KCNB2: variants seen among roughly 807,000 people sequenced by gnomAD.
The protein encoded by KCNB2 is delayed rectifier potassium channel protein.
A neutral mutation model predicts 61.5 loss-of-function variants in KCNB2; 15 were observed. That is an observed-to-expected ratio of 0.24 (90% CI 0.16 to 0.38). KCNB2 has a LOEUF of 0.38. KCNB2 is among the 10% of genes least tolerant of loss of function. The probability of loss-of-function intolerance (pLI) is 1.00; values close to 1 mark genes in which losing one functional copy is unlikely to be tolerated. For synonymous variants in KCNB2, 457 were observed against 446.0 expected, an observed-to-expected ratio of 1.02 and a Z score of -0.31; for missense variants, 828 against 1,125.2, an observed-to-expected ratio of 0.74 and a Z score of 3.78.
At chr8:72,867,940 GAGGATTCAC>G (rs978146235) in intron 2 of KCNB2, among the ~76,000 whole-genome samples, 14 of 152,022 alleles carry the variant, frequency 9.2e-5, no homozygotes, top group African/African-American at 3.4e-4. Context: ...AGGATGACAT[GAGGATTCAC>G]AGGAAAAATT....
intron 2 of KCNB2, among the ~76,000 whole-genome samples, chr8:72,806,600 G>T (rs1281193509): frequency 6.6e-6 from 1 of 151,552 alleles, no homozygotes; most frequent in Non-Finnish European, 1.5e-5. Context: ...GGGCGACAGA[G>T]TGAGAATCAG....
At chr8:72,739,548 G>C (rs920777981) in intron 2 of KCNB2, among the ~76,000 whole-genome samples, 1 of 152,040 alleles carries the variant, frequency 6.6e-6, no homozygotes, top group African/African-American at 2.4e-5. Flanking sequence ...AAGCAAAAGC[G>C]AGTGGAAGTG....
chr8:72,927,235 A>G (rs777802445), intron 2 of KCNB2, among the ~76,000 whole-genome samples: 14 of 148,910 alleles, frequency 9.4e-5, no homozygotes, highest in Non-Finnish European at 1.9e-4. Flanking sequence ...CTATCATCCA[A>G]CTCTCCAGAA....
chr8:72,610,408 A>G (rs1805519362), intron 2 of KCNB2, among the ~76,000 whole-genome samples: 1 of 152,172 alleles, frequency 6.6e-6, no homozygotes, highest in Admixed American at 6.5e-5. Context: ...GATTTTCCTC[A>G]TATTTTTTCT....
Position 72,725,510 on chromosome 8 carries a change from CATATATATAT to C in KCNB2, c.579+157218_579+157227del, listed in dbSNP as rs774224955. Among the ~76,000 whole-genome samples the C allele has an allele frequency of 1.7e-3, 99 of 58,886 alleles. 1 individual carries two copies. The highest frequency in any genetic ancestry group is 5.6e-3 in the African/African-American group (90 of 15,990). The allele number at this position is 58,886 out of a possible 152,430, so 38.6% of individuals were successfully genotyped here. On this transcript the variant is annotated intron_variant, in intron 2 of 2. Coordinates refer to ENST00000523207, the MANE Select transcript of KCNB2 (RefSeq NM_004770.3). ...ATATTTGGCTTGCTTTCTTTGTCTTCATATATATATATATATATATATATATATATGTGTG... is the reference window on the plus strand; with the variant it reads ...ATATTTGGCTTGCTTTCTTTGTCTTCATATATATATATATATATATGTGTG...
chr8:72,630,575 C>T (rs1024312005), intron 2 of KCNB2, among the ~76,000 whole-genome samples: 27 of 152,108 alleles, frequency 1.8e-4, no homozygotes, highest in Non-Finnish European at 1.9e-4. Flanking sequence ...GCAAGAAGTC[C>T]TAGATCAAGG....
At chr8:72,805,019 A>C (rs1359097136) in intron 2 of KCNB2, among the ~76,000 whole-genome samples, 1 of 152,168 alleles carries the variant, frequency 6.6e-6, no homozygotes, top group Non-Finnish European at 1.5e-5. Context: ...TCCGCTGGGC[A>C]CTGGGGTCAG....
At position 72,662,264 on chromosome 8, in the gene KCNB2, G is replaced by T. The variant is rs532261547; in HGVS notation, c.579+93951G>T. 3.9e-4 allele frequency among the ~76,000 whole-genome samples: 59 copies of T among 152,094 alleles called. 1 individual carries two copies. Among genetic ancestry groups the T allele is most frequent in the Non-Finnish European group, 5.9e-4 (40 of 68,032 alleles). ...CATGACCACCTGTAGCTTCTCCATG[G>T]CCCTGACCCTGCTTTTCAGGAACTC... is the stretch of plus-strand genomic sequence containing the variant. On this transcript the variant is annotated intron_variant, in intron 2 of 2. Transcript: ENST00000523207.
intron 2 of KCNB2, among the ~76,000 whole-genome samples, chr8:72,858,991 T>C (rs1307411608): frequency 6.6e-6 from 1 of 152,212 alleles, no homozygotes; most frequent in Non-Finnish European, 1.5e-5. Context: ...ATCACAAATA[T>C]AGGATTACAC....
At chr8:72,582,784 T>A (rs1240484059) in intron 2 of KCNB2, among the ~76,000 whole-genome samples, 1 of 152,058 alleles carries the variant, frequency 6.6e-6, no homozygotes. Flanking sequence ...AACTAATTTT[T>A]AAAAAATTAT....
At chr8:72,642,500 A>C (rs1208580374) in intron 2 of KCNB2, among the ~76,000 whole-genome samples, 1 of 152,060 alleles carries the variant, frequency 6.6e-6, no homozygotes, top group Non-Finnish European at 1.5e-5. Context: ...CACAGCTTAC[A>C]GTCTAGGAAA....
chr8:72,714,639 C>G (rs1437373803), intron 2 of KCNB2, among the ~76,000 whole-genome samples: 3 of 152,220 alleles, frequency 2.0e-5, no homozygotes, highest in African/African-American at 7.2e-5. Context: ...CAGGCCTGCC[C>G]TACGAGAGCT....
intron 2 of KCNB2, among the ~76,000 whole-genome samples, chr8:72,586,846 A>C (rs1807008084): frequency 6.6e-6 from 1 of 152,238 alleles, no homozygotes; most frequent in East Asian, 1.9e-4. Flanking sequence ...AGCTGCCTCC[A>C]GTCCTAGGAC....
At chr8:72,813,524 GAAGA>G (rs1156502831) in intron 2 of KCNB2, among the ~76,000 whole-genome samples, 2 of 152,050 alleles carry the variant, frequency 1.3e-5, no homozygotes, top group African/African-American at 4.8e-5. Context: ...TCTAAAAGGG[GAAGA>G]AAGGGCCGTC....
intron 2 of KCNB2, among the ~76,000 whole-genome samples, chr8:72,922,436 T>C (rs750495636): frequency 1.3e-5 from 2 of 152,226 alleles, no homozygotes; most frequent in Non-Finnish European, 2.9e-5. Flanking sequence ...TTAGACTGTG[T>C]AATTTATAAA....
At chr8:72,935,446 G>C (rs1806879992) in intron 2 of KCNB2, among the ~76,000 whole-genome samples, 1 of 152,182 alleles carries the variant, frequency 6.6e-6, no homozygotes, top group Non-Finnish European at 1.5e-5. Flanking sequence ...CTTAGAAGAA[G>C]CATTGTTGTA....
intron 2 of KCNB2, among the ~76,000 whole-genome samples, chr8:72,621,928 A>C (rs896118242): frequency 2.0e-5 from 3 of 152,192 alleles, no homozygotes; most frequent in Non-Finnish European, 2.9e-5. Context: ...CATAGGCAAC[A>C]TTTTCCTATT....
chr8:72,930,305 G>T (rs940964823), intron 2 of KCNB2, among the ~76,000 whole-genome samples: 1 of 151,824 alleles, frequency 6.6e-6, no homozygotes, highest in Non-Finnish European at 1.5e-5. Context: ...AGTCCTTTGG[G>T]TATATACCCA....
At chr8:72,582,407 T>G (rs1806917796) in intron 2 of KCNB2, among the ~76,000 whole-genome samples, 1 of 152,174 alleles carries the variant, frequency 6.6e-6, no homozygotes, top group African/African-American at 2.4e-5. Flanking sequence ...CAGCACATTC[T>G]ACAGTTATTC....
Sources: allele counts gnomAD v4.1 joint callset (sites outside exome capture counted in the v4.1 genomes callset), GRCh38; gene constraint gnomAD v4.1.1; transcripts MANE v1.5; gene names NCBI Gene and HGNC (gene_info 2026-07-23, HGNC 2026-07-21).